The following QTGAL variants were observed in gnomAD, a reference collection of about 807,000 sequenced individuals.
The protein encoded by QTGAL is queuosine-tRNA galactosyltransferase, also known as BGnT-like protein 1.
the QTGAL span, among the ~76,000 whole-genome samples, chr17:82,951,654 T>C: frequency 6.6e-6 from 1 of 152,186 alleles, no homozygotes; most frequent in Non-Finnish European, 1.5e-5. Flanking sequence ...CATGCCTTCC[T>C]CACTAAGCTT....
the QTGAL span, chr17:82,942,158 C>T: frequency 5.5e-6 from 3 of 548,198 alleles, no homozygotes; most frequent in African/African-American, 3.8e-5. Context: ...ATTAAATGTG[C>T]TTTTTACATT....
At chr17:82,977,011 C>A in the QTGAL span, among the ~76,000 whole-genome samples, 1 of 152,252 alleles carries the variant, frequency 6.6e-6, no homozygotes, top group Non-Finnish European at 1.5e-5. Context: ...GGAGTCAGGG[C>A]CCCAGGTGGC....
the QTGAL span, among the ~76,000 whole-genome samples, chr17:83,010,977 G>A: frequency 2.6e-5 from 4 of 152,372 alleles, no homozygotes; most frequent in East Asian, 1.9e-4. Context: ...CTGCCCTCAC[G>A]GGGCTGTACC....
the QTGAL span, among the ~76,000 whole-genome samples, chr17:82,984,887 A>G: frequency 3.3e-5 from 5 of 152,068 alleles, no homozygotes; most frequent in Non-Finnish European, 7.4e-5. Flanking sequence ...CATGCATCTC[A>G]GCCCTGTCCA....
At chr17:82,995,622 A>T in the QTGAL span, among the ~76,000 whole-genome samples, 9 of 152,204 alleles carry the variant, frequency 5.9e-5, no homozygotes, top group Non-Finnish European at 1.2e-4. Context: ...TGACCTCATG[A>T]TCCACCCACC....
chr17:83,013,169 A>G, the QTGAL span, among the ~76,000 whole-genome samples: 1 of 152,044 alleles, frequency 6.6e-6, no homozygotes, highest in Non-Finnish European at 1.5e-5. Flanking sequence ...CCTCACAGAA[A>G]ATGTGCCCCC....
the QTGAL span, among the ~76,000 whole-genome samples, chr17:82,970,630 CGCG>C: frequency 6.3e-5 from 4 of 63,752 alleles, no homozygotes; most frequent in South Asian, 5.8e-4. Flanking sequence ...CCGGCGTGGC[CGCG>C]ACCTCCGCAC....
chr17:83,045,552 G>A, the QTGAL span, among the ~76,000 whole-genome samples: 35 of 152,060 alleles, frequency 2.3e-4, 1 homozygote, highest in East Asian at 2.5e-3. Context: ...AAAAGCACAC[G>A]CCACAAAAGA....
the QTGAL span, chr17:83,035,175 T>C: frequency 1.8e-5 from 23 of 1,292,502 alleles, no homozygotes; most frequent in Non-Finnish European, 2.5e-5. Flanking sequence ...GCTTAGTATA[T>C]GATATTCTTT....
At chr17:83,014,705 G>A in the QTGAL span, among the ~76,000 whole-genome samples, 1 of 152,230 alleles carries the variant, frequency 6.6e-6, no homozygotes, top group African/African-American at 2.4e-5. Context: ...ACAGGCTTGA[G>A]CCACCATGCT....
chr17:83,043,545 G>A, the QTGAL span, among the ~76,000 whole-genome samples: 5 of 152,062 alleles, frequency 3.3e-5, no homozygotes, highest in African/African-American at 1.2e-4. Context: ...GGAATTTATA[G>A]CTATAAATGC....
chr17:83,045,776 T>C, the QTGAL span, among the ~76,000 whole-genome samples: 1,984 of 152,284 alleles, frequency 0.013, 48 homozygotes, highest in African/African-American at 0.045. Flanking sequence ...GCCAAAATAC[T>C]TGAATAAACA....
the QTGAL span, among the ~76,000 whole-genome samples, chr17:83,033,475 CT>C: frequency 3.7e-3 from 533 of 145,284 alleles, 1 homozygote; most frequent in Non-Finnish European, 5.0e-3. Context: ...AAGTTATATG[CT>C]TTTTTTTTTT....
the QTGAL span, among the ~76,000 whole-genome samples, chr17:83,044,644 G>A: frequency 1.3e-5 from 2 of 152,180 alleles, no homozygotes; most frequent in African/African-American, 4.8e-5. Context: ...ACCAACCAGA[G>A]CGATGAAGAA....
chr17:83,030,568 G>A, the QTGAL span, among the ~76,000 whole-genome samples: 9 of 152,236 alleles, frequency 5.9e-5, no homozygotes, highest in African/African-American at 1.7e-4. Context: ...CTGTCCCCTC[G>A]GTTCAAGGAT....
chr17:83,017,734 C>A, the QTGAL span, among the ~76,000 whole-genome samples: 3 of 152,230 alleles, frequency 2.0e-5, no homozygotes, highest in African/African-American at 7.2e-5. Context: ...CACGGTGTGC[C>A]TGCATCGAGT....
At chr17:82,972,937 G>C in the QTGAL span, among the ~76,000 whole-genome samples, 1 of 152,056 alleles carries the variant, frequency 6.6e-6, no homozygotes. Flanking sequence ...CACACTCATA[G>C]GGGCCAGAAG....
chr17:82,985,134 T>C, the QTGAL span, among the ~76,000 whole-genome samples: 1 of 152,236 alleles, frequency 6.6e-6, no homozygotes, highest in Non-Finnish European at 1.5e-5. Context: ...CCCAGGCCAC[T>C]GGCATAGACA....
the QTGAL span, among the ~76,000 whole-genome samples, chr17:83,024,777 G>A: frequency 8.5e-5 from 13 of 152,368 alleles, no homozygotes; most frequent in African/African-American, 1.2e-4. Flanking sequence ...TTCTGCAGCC[G>A]GACAGGCAGA....
Sources: gnomAD v4.1 joint callset for allele counts (sites outside exome capture counted in the v4.1 genomes callset) on GRCh38, gnomAD v4.1.1 for gene constraint, MANE v1.5 for transcripts, NCBI Gene and HGNC (gene_info 2026-07-23, HGNC 2026-07-21) for gene names.